Variants in TMEM95 observed in about 807,000 individuals in gnomAD.
TMEM95 encodes transmembrane protein 95, also known as sperm-egg fusion protein TMEM95.
TMEM95 carries 21 observed loss-of-function variants against 27.7 expected under a neutral mutation model. The ratio of observed to expected loss-of-function variants is 0.76; its 90% confidence interval spans 0.54 to 1.09. The LOEUF (loss-of-function observed/expected upper bound fraction) is 1.09, where lower values mean the gene tolerates loss of function less well. TMEM95 is among the 50% of genes least tolerant of loss of function. The probability of loss-of-function intolerance (pLI) is 0.00; values close to 1 mark genes in which losing one functional copy is unlikely to be tolerated. For missense variants in TMEM95, 203 were observed against 217.9 expected (o/e 0.93, Z 0.43); for synonymous variants, 77 against 85.7 (o/e 0.90, Z 0.56).
chr17:7,356,680 C>T lies in TMEM95; in HGVS notation c.*48C>T, dbSNP rs2073515946. On this transcript the variant is annotated 3_prime_UTR_variant, in exon 7 of 7. Transcript: ENST00000576060. ...TCCAGCTCTAAGGGGTATGCACTCA[C>T]AACTTCCACATCCCTTGGAGGGGAA... The T allele has an allele frequency of 1.9e-6, 3 of 1,598,942 alleles. No individual in the cohort carries two copies. The highest frequency in any genetic ancestry group is 2.6e-6 in the Non-Finnish European group (3 of 1,168,272).
Position 7,356,407 on chromosome 17 carries a change from G to A in TMEM95, c.425G>A (p.Trp142Ter). 6.2e-7 allele frequency: 1 copy of A among 1,614,004 alleles called. No individual in the cohort carries two copies. Among genetic ancestry groups the A allele is most frequent in the Non-Finnish European group, 8.5e-7 (1 of 1,179,982 alleles). Reference sequence around the variant, plus strand: ...TTCCCTGCAGGAAGTCAGGATCTTTGGGAAGCCAAGATTCTGCTCCTCTCC... The same window carrying A: ...TTCCCTGCAGGAAGTCAGGATCTTTAGGAAGCCAAGATTCTGCTCCTCTCC... ...KRCFPGSQDL[W>*]EAKILLLSIF... The change falls in exon 6 of 7, where the codon TGG becomes TAG. Residue 142 changes from tryptophan to a stop codon, truncating the protein, a stop_gained. Coordinates refer to ENST00000576060, the MANE Select transcript of TMEM95 (RefSeq NM_001320436.2). LOFTEE classifies it high-confidence loss of function.
Position 7,356,056 on chromosome 17 carries a change from A to G in TMEM95, c.328+7A>G, listed in dbSNP as rs2073493325. On this transcript the variant is annotated splice_region_variant and intron_variant, in intron 4 of 6. Transcript: ENST00000576060. ...CTCTGTCCCCCCGCCTGCCGTGAGT[A>G]GGAAAGGAAAGGGGTAGCAAGGACC... 1.2e-6 allele frequency: 2 copies of G among 1,613,752 alleles called. No homozygotes were observed. Among genetic ancestry groups the G allele is most frequent in the Admixed American group, 1.7e-5 (1 of 59,976 alleles).
rs199658290 is a variant in TMEM95, at chr17:7,356,258, C to G, written c.391C>G (p.Arg131Gly). The change falls in exon 5 of 7, where the codon CGA becomes GGA. Residue 131 changes from arginine (R) to glycine (G), a missense_variant. Transcript: ENST00000576060. Reference protein sequence around the residue: ...CKGTEVSCWPRKRCFPGSQDL... With the variant: ...CKGTEVSCWPGKRCFPGSQDL... ...GGGGACGGAGGTGTCCTGCTGGCCC[C>G]GAAAGCGCTGCTTCCCAGGTCCTCA... 7.0e-6 allele frequency: 11 copies of G among 1,572,420 alleles called. 1 individual carries two copies. Among genetic ancestry groups the G allele is most frequent in the Middle Eastern group, 1.7e-4 (1 of 5,792 alleles).
Position 7,355,396 on chromosome 17 carries a change from G to A in TMEM95, c.169+23G>A. On this transcript the variant is annotated intron_variant, in intron 1 of 6. Coordinates refer to ENST00000576060, the MANE Select transcript of TMEM95 (RefSeq NM_001320436.2). This position sits in a 1 kb window ranked among gnomAD's most constrained non-coding sequence, Gnocchi z 4.9. ...TAGGTAGGACCAGACATCCAGGGAT[G>A]GGCCCAGCAAGCACTCACCCCCCTA... is the stretch of plus-strand genomic sequence containing the variant. The A allele has an allele frequency of 6.2e-7, 1 of 1,600,062 alleles. No homozygotes were observed. Among genetic ancestry groups the A allele is most frequent in the Non-Finnish European group, 8.5e-7 (1 of 1,170,612 alleles).
At chr17:7,356,129 G>T in intron 4 of TMEM95, 67 bp from the exon 5 acceptor site, 2 of 1,608,342 alleles carry the variant, frequency 1.2e-6, no homozygotes, top group Middle Eastern at 1.7e-4. Flanking sequence ...GCAGGAGGAA[G>T]CTGGGTACCA....
Position 7,356,183 on chromosome 17 carries a change from C to T in TMEM95, c.329-13C>T. 1 of 1,576,830 alleles carries T rather than the reference C, an allele frequency of 6.3e-7. No individual in the cohort carries two copies. The highest frequency in any genetic ancestry group is 1.2e-5 in the South Asian group (1 of 85,944). On this transcript the variant is annotated splice_polypyrimidine_tract_variant and intron_variant, in intron 4 of 6. Coordinates refer to ENST00000576060, the MANE Select transcript of TMEM95 (RefSeq NM_001320436.2). ...CCTCCCCTCCCCAGCGTTGCCTCTG[C>T]TGTCTCCTGCAGGGGGCAGCACCAC...
At position 7,356,651 on chromosome 17, in the gene TMEM95, A is replaced by G. The variant is rs770331510; in HGVS notation, c.*19A>G. Reference sequence around the variant, plus strand: ...CTTGTGAAGACGCTGAAAACCTCCCAGCCTCCAGCTCTAAGGGGTATGCAC... The same window carrying G: ...CTTGTGAAGACGCTGAAAACCTCCCGGCCTCCAGCTCTAAGGGGTATGCAC... On this transcript the variant is annotated 3_prime_UTR_variant, in exon 7 of 7. Transcript: ENST00000576060. The G allele has an allele frequency of 5.7e-5, 92 of 1,611,880 alleles. No homozygotes were observed. The Admixed American group carries it at 1.5e-3, about 27-fold the overall frequency.
rs1567637060 is a variant in TMEM95, at chr17:7,356,640, G to GA, written c.*12dup. On this transcript the variant is annotated 3_prime_UTR_variant, in exon 7 of 7. Transcript: ENST00000576060. ...GCAAAAAGTGGCTTGTGAAGACGCT[G>GA]AAAACCTCCCAGCCTCCAGCTCTAA... 1 of 1,612,134 alleles carries GA rather than the reference G, an allele frequency of 6.2e-7. No homozygotes were observed. The highest frequency in any genetic ancestry group is 8.5e-7 in the Non-Finnish European group (1 of 1,179,088).
intron 6 of TMEM95, 58 bp from the exon 7 acceptor site, chr17:7,356,541 C>A: frequency 6.2e-7 from 1 of 1,612,470 alleles, no homozygotes; most frequent in African/African-American, 1.3e-5. Flanking sequence ...ACCCATCCTC[C>A]CTCCCTCTGT....
At chr17:7,356,133 G>A (rs747656814) in intron 4 of TMEM95, 63 bp from the exon 5 acceptor site, 10 of 1,605,466 alleles carry the variant, frequency 6.2e-6, no homozygotes, top group Non-Finnish European at 8.5e-6. Context: ...GAGGAAGCTG[G>A]GTACCAGGCA....
rs369239759 is a variant in TMEM95 at position 7,356,674 on chromosome 17, C to T, written c.*42C>T. On this transcript the variant is annotated 3_prime_UTR_variant, in exon 7 of 7. Coordinates refer to ENST00000576060, the MANE Select transcript of TMEM95 (RefSeq NM_001320436.2). ...CCAGCCTCCAGCTCTAAGGGGTATG[C>T]ACTCACAACTTCCACATCCCTTGGA... 556 of 1,606,574 alleles carry T rather than the reference C, an allele frequency of 3.5e-4. 1 individual carries two copies. The highest frequency in any genetic ancestry group is 4.6e-4 in the Non-Finnish European group (543 of 1,174,898).
Position 7,356,187 on chromosome 17 carries a change from C to G in TMEM95, c.329-9C>G. ...CCCTCCCCAGCGTTGCCTCTGCTGT[C>G]TCCTGCAGGGGGCAGCACCACGCTG... is the stretch of plus-strand genomic sequence containing the variant. On this transcript the variant is annotated splice_polypyrimidine_tract_variant and intron_variant, in intron 4 of 6. Transcript: ENST00000576060. 1.3e-6 allele frequency: 2 copies of G among 1,575,356 alleles called. No homozygotes were observed. The highest frequency in any genetic ancestry group is 1.4e-5 in the African/African-American group (1 of 74,050).
At chr17:7,356,129 G>A (rs1342890552) in intron 4 of TMEM95, 67 bp from the exon 5 acceptor site, 3 of 1,608,342 alleles carry the variant, frequency 1.9e-6, no homozygotes, top group Non-Finnish European at 1.7e-6. Flanking sequence ...GCAGGAGGAA[G>A]CTGGGTACCA....
At position 7,355,485 on chromosome 17, in the gene TMEM95, C is replaced by A; in HGVS notation, c.170-101C>A. The A allele has an allele frequency of 6.5e-7, 1 of 1,529,180 alleles. No homozygotes were observed. The highest frequency in any genetic ancestry group is 8.8e-7 in the Non-Finnish European group (1 of 1,132,120). 94.7% of individuals were successfully genotyped at this position (1,529,180 alleles called of 1,614,324 possible). ...CCATCTGTGGCCCTTTCTGGACATG[C>A]TGGCCTTTCCCTCTGAGAGAGCTCC... On this transcript the variant is annotated intron_variant, in intron 1 of 6. Coordinates refer to ENST00000576060, the MANE Select transcript of TMEM95 (RefSeq NM_001320436.2). The surrounding 1 kb of genome is among the most constrained non-coding windows in gnomAD (Gnocchi z 4.9).
rs751389004 is a variant in TMEM95 at position 7,355,998 on chromosome 17, A to AC, written c.308-26dup. On this transcript the variant is annotated intron_variant, in intron 3 of 6. Coordinates refer to ENST00000576060, the MANE Select transcript of TMEM95 (RefSeq NM_001320436.2). This position sits in a 1 kb window ranked among gnomAD's most constrained non-coding sequence, Gnocchi z 4.9. ...TGTGGTGAGCAGCTCATCCATTCACACCCCCACCCCTTCCTTGTCTTTCAT... is the reference window on the plus strand; with the variant it reads ...TGTGGTGAGCAGCTCATCCATTCACACCCCCCACCCCTTCCTTGTCTTTCAT... 1.2e-6 allele frequency: 2 copies of AC among 1,612,690 alleles called. No homozygotes were observed. Among genetic ancestry groups the AC allele is most frequent in the African/African-American group, 2.7e-5 (2 of 74,708 alleles).
rs777215467 is a variant in TMEM95, at chr17:7,356,227, C to G, written c.360C>G (p.Thr120=). Residue 120 remains threonine (T), a synonymous_variant, in exon 5 of 7, where the codon ACC becomes ACG. Transcript: ENST00000576060. The part of the protein sequence containing the change: ...RGSTTLYNCS[T]CKGTEVSCWP... ...GCACCACGCTGTACAACTGCTCCAC[C>G]TGCAAGGGGACGGAGGTGTCCTGCT... The G allele has an allele frequency of 1.3e-6, 2 of 1,565,982 alleles. No individual in the cohort carries two copies. The highest frequency in any genetic ancestry group is 1.8e-5 in the Admixed American group (1 of 54,524).
chr17:7,356,071 TAG>T lies in TMEM95; in HGVS notation c.328+23_328+24del. ...TGCCGTGAGTAGGAAAGGAAAGGGG[TAG>T]CAAGGACCTGGGGCCTGCAGGGTGT... On this transcript the variant is annotated intron_variant, in intron 4 of 6. Transcript: ENST00000576060. 1.9e-6 allele frequency: 3 copies of T among 1,613,672 alleles called. No individual in the cohort carries two copies. In the Admixed American group the frequency reaches 5.0e-5, roughly 27 times the overall value.
chr17:7,355,711 G>A lies in TMEM95; in HGVS notation c.226+69G>A. ...CCAAGGAGAGGGACGGGTGACAGGG[G>A]TTGGGGTGGGCAGGGAAGGGTGGAG... On this transcript the variant is annotated intron_variant, in intron 2 of 6. Coordinates refer to ENST00000576060, the MANE Select transcript of TMEM95 (RefSeq NM_001320436.2). This position sits in a 1 kb window ranked among gnomAD's most constrained non-coding sequence, Gnocchi z 4.9. The A allele has an allele frequency of 2.2e-6, 2 of 913,770 alleles. No individual in the cohort carries two copies. The highest frequency in any genetic ancestry group is 1.3e-5 in the South Asian group (1 of 75,978). 56.6% of individuals were successfully genotyped at this position (913,770 alleles called of 1,614,324 possible).
chr17:7,355,491 T>A lies in TMEM95; in HGVS notation c.170-95T>A. 6.5e-7 allele frequency: 1 copy of A among 1,530,196 alleles called. No individual in the cohort carries two copies. The highest frequency in any genetic ancestry group is 8.8e-7 in the Non-Finnish European group (1 of 1,132,982). The allele number at this position is 1,530,196 out of a possible 1,614,324, so 94.8% of individuals were successfully genotyped here. On this transcript the variant is annotated intron_variant, in intron 1 of 6. Transcript: ENST00000576060. The surrounding 1 kb of genome is among the most constrained non-coding windows in gnomAD (Gnocchi z 4.9). ...GTGGCCCTTTCTGGACATGCTGGCC[T>A]TTCCCTCTGAGAGAGCTCCATATCT... is the stretch of plus-strand genomic sequence containing the variant.
Sources: gnomAD v4.1 joint callset for allele counts on GRCh38, gnomAD v4.1.1 for gene constraint, Gnocchi (gnomAD v3.1) non-coding constraint, MANE v1.5 for transcripts, NCBI Gene and HGNC (gene_info 2026-07-23, HGNC 2026-07-21) for gene names.